The following MYH6 variants were observed in gnomAD, a reference collection of about 807,000 sequenced individuals.
MYH6 encodes myosin-6.
A neutral mutation model predicts 223.2 loss-of-function variants in MYH6; 126 were observed. The observed-to-expected ratio is 0.56, with a 90% CI of 0.49 to 0.65. The LOEUF (loss-of-function observed/expected upper bound fraction) is 0.65. Among genes scored for constraint, MYH6 ranks in the 30% least tolerant of loss-of-function variants. The probability of loss-of-function intolerance (pLI) is 0.00; values close to 1 mark genes in which losing one functional copy is unlikely to be tolerated. For synonymous variants in MYH6, 978 were observed against 1,010.2 expected, an observed-to-expected ratio of 0.97 and a Z score of 0.61; for missense variants, 2,040 against 2,536.4, an observed-to-expected ratio of 0.80 and a Z score of 4.20.
chr14:23,385,143 A>T (rs178639), intron 34 of MYH6, 102 bp from the exon 35 acceptor site: 646,286 of 1,428,184 alleles, frequency 0.45, 133,074 homozygotes, highest in African/African-American at 0.58. Flanking sequence ...TTTTTTTTTT[A>T]AAACAACAAG....
rs1206016022 is a variant in MYH6 at position 23,386,006 on chromosome 14, C to T, written c.5085G>A (p.Glu1695=). 15 of 1,614,098 alleles carry T rather than the reference C, an allele frequency of 9.3e-6. No homozygotes were observed. In the Admixed American group the frequency reaches 2.2e-4, roughly 23 times the overall value. ...AELEELRAVV[E]QTERSRKLAE... Reference sequence around the variant, plus strand: ...CCAGCTTCCGGGACCGCTCTGTCTGCTCCACCACGGCACGCAGCTCCTCCA... The same window carrying T: ...CCAGCTTCCGGGACCGCTCTGTCTGTTCCACCACGGCACGCAGCTCCTCCA... Residue 1695 remains glutamate (E), a synonymous_variant, in exon 34 of 39, where the codon GAG becomes GAA. Coordinates refer to ENST00000405093, the MANE Select transcript of MYH6 (RefSeq NM_002471.4).
Position 23,387,550 on chromosome 14 carries a change from C to G in MYH6, c.4629G>C (p.Gln1543His), listed in dbSNP as rs1177280918. The G allele has an allele frequency of 4.3e-6, 7 of 1,614,038 alleles. No individual in the cohort carries two copies. The highest frequency in any genetic ancestry group is 5.9e-6 in the Non-Finnish European group (7 of 1,180,026). ...TCACCTCTGCCTCCTCCAGGGCTGA[C>G]TGCAGCTCCAGCTTCTCCACCTCCA... ...KQLEVEKLELQSALEEAEASL... is the reference protein window; with the variant it reads ...KQLEVEKLELHSALEEAEASL... Residue 1543 changes from glutamine (Q) to histidine (H), a missense_variant, in exon 32 of 39, where the codon CAG becomes CAC. By Grantham distance (24) the Gln-to-His change is conservative. Transcript: ENST00000405093.
At chr14:23,408,201 T>C (rs781395612) in intron 1 of MYH6, 52 bp downstream of exon 1, 98 of 983,766 alleles carry the variant, frequency 1.0e-4, no homozygotes, top group Non-Finnish European at 1.1e-4. Flanking sequence ...TCCCTCACGG[T>C]GGGGGCTCTG....
At position 23,398,825 on chromosome 14, in the gene MYH6, GT is replaced by G. The variant is rs774500922; in HGVS notation, c.1793del (p.Asn598ThrfsTer63). On this transcript the variant is annotated frameshift_variant, in exon 15 of 39. Coordinates refer to ENST00000405093, the MANE Select transcript of MYH6 (RefSeq NM_002471.4). LOFTEE classifies it high-confidence loss of function. The part of the protein sequence containing the change: ...DYNILGWLEK[N>X]KDPLNETVVA... Reference sequence around the variant, plus strand: ...CAACAGTCTCGTTGAGAGGATCCTTGTTTTTTTCCAGCCAGCCCAGGATGTT... The same window carrying G: ...CAACAGTCTCGTTGAGAGGATCCTTGTTTTTTCCAGCCAGCCCAGGATGTT... The G allele has an allele frequency of 1.9e-6, 3 of 1,614,078 alleles. No homozygotes were observed. The highest frequency in any genetic ancestry group is 2.5e-6 in the Non-Finnish European group (3 of 1,180,044).
At chr14:23,392,873 C>T (rs1891277476) in intron 24 of MYH6, 39 bp downstream of exon 24, 1 of 1,611,152 alleles carries the variant, frequency 6.2e-7, no homozygotes, top group Non-Finnish European at 8.5e-7. Context: ...CCAGGCCAGA[C>T]ACCTCCATTA....
chr14:23,387,678 T>C (rs1342003633), intron 31 of MYH6, 25 bp from the exon 32 acceptor site: 4 of 1,613,926 alleles, frequency 2.5e-6, no homozygotes, highest in Admixed American at 3.3e-5. Flanking sequence ...GCCAGAAAGC[T>C]CAAAGCCTAT....
chr14:23,386,678 G>GGAGGAT, intron 32 of MYH6, 55 bp from the exon 33 acceptor site: 2 of 1,552,638 alleles, frequency 1.3e-6, no homozygotes, highest in African/African-American at 1.4e-5. Context: ...GGGTTGAGAG[G>GGAGGAT]GAGGATGAGA....
At chr14:23,395,191 T>C (rs1177909050) in intron 20 of MYH6, among the ~76,000 whole-genome samples, 1 of 152,226 alleles carries the variant, frequency 6.6e-6, no homozygotes, top group Non-Finnish European at 1.5e-5. Flanking sequence ...AAACAATGAA[T>C]GGCTGGTTTT....
In MYH6 at chr14:23,407,393, C is replaced by A. The variant is rs1339003130; in HGVS notation, c.-13-157G>T. ...CCCTCCCCTACTCAGGGCTCTGCTT[C>A]TCCTGCCCTCTGAGGTGATGCTGAA... On this transcript the variant is annotated intron_variant, in intron 2 of 38. Transcript: ENST00000405093. The surrounding 1 kb of genome is among the most constrained non-coding windows in gnomAD (Gnocchi z 5.6). Among the ~76,000 whole-genome samples, 3 of 152,336 alleles carry A rather than the reference C, an allele frequency of 2.0e-5. No homozygotes were observed. The highest frequency in any genetic ancestry group is 6.8e-3 in the Middle Eastern group (2 of 294).
At chr14:23,395,461 G>T (rs1026568195) in intron 20 of MYH6, among the ~76,000 whole-genome samples, 2 of 152,116 alleles carry the variant, frequency 1.3e-5, no homozygotes, top group Admixed American at 1.3e-4. Context: ...TCATGTCATG[G>T]TGTACATGTA....
rs368183862 is a variant in MYH6 at position 23,388,145 on chromosome 14, C to T, written c.4359+10G>A. Reference sequence around the variant, plus strand: ...CTGCATGCTGGCTGCGGCCCCCGCCCATGGTCCACCTTGTCAAAGTTTCTC... The same window carrying T: ...CTGCATGCTGGCTGCGGCCCCCGCCTATGGTCCACCTTGTCAAAGTTTCTC... On this transcript the variant is annotated intron_variant, in intron 30 of 38. Transcript: ENST00000405093. 634 of 1,612,186 alleles carry T rather than the reference C, an allele frequency of 3.9e-4. No homozygotes were observed. Among genetic ancestry groups the T allele is most frequent in the Non-Finnish European group, 5.2e-4 (615 of 1,180,050 alleles).
In MYH6 at chr14:23,386,524, C is replaced by T. The variant is rs1280321639; in HGVS notation, c.4750G>A (p.Glu1584Lys). ...IERKLAEKDE[E>K]MEQAKRNHQR... ...TGGTTGCGCTTGGCCTGTTCCATCT[C>T]CTCGTCCTTCTCTGCCAGCTTCCGC... Residue 1584 changes from glutamate (E) to lysine (K), a missense_variant, in exon 33 of 39, where the codon GAG becomes AAG. Coordinates refer to ENST00000405093, the MANE Select transcript of MYH6 (RefSeq NM_002471.4). 2.5e-6 allele frequency: 4 copies of T among 1,614,006 alleles called. No individual in the cohort carries two copies. Among genetic ancestry groups the T allele is most frequent in the Non-Finnish European group, 3.4e-6 (4 of 1,180,032 alleles).
rs192980418 is a variant in MYH6, at chr14:23,396,684, C to G, written c.2292+10G>C. 8.1e-6 allele frequency: 13 copies of G among 1,614,026 alleles called. No individual in the cohort carries two copies. The East Asian group carries it at 2.9e-4, about 36-fold the overall frequency. ...TGCCCTGCAACCACCCAGTGGGGCT[C>G]TAGACTCACCTTGGTGTGGCCAAAC... On this transcript the variant is annotated intron_variant, in intron 19 of 38. Coordinates refer to ENST00000405093, the MANE Select transcript of MYH6 (RefSeq NM_002471.4).
rs577327750 is a variant in MYH6 at position 23,399,331 on chromosome 14, C to T, written c.1582-294G>A. Among the ~76,000 whole-genome samples the T allele has an allele frequency of 2.6e-5, 4 of 152,264 alleles. No homozygotes were observed. In the East Asian group the frequency reaches 5.8e-4, roughly 22 times the overall value. On this transcript the variant is annotated intron_variant, in intron 14 of 38. Coordinates refer to ENST00000405093, the MANE Select transcript of MYH6 (RefSeq NM_002471.4). Reference sequence around the variant, plus strand: ...GCCCCTTCTCTCTGATGGCTCACTGCCCCAGGGGCAGGAGGGCAGGGACAG... The same window carrying T: ...GCCCCTTCTCTCTGATGGCTCACTGTCCCAGGGGCAGGAGGGCAGGGACAG...
At chr14:23,396,908 T>C in intron 18 of MYH6, 55 bp downstream of exon 18, 1 of 1,612,488 alleles carries the variant, frequency 6.2e-7, no homozygotes, top group African/African-American at 1.3e-5. Context: ...CCCATTCCCA[T>C]CAGGGCAGCC....
rs201328596 is a variant in MYH6 at position 23,384,743 on chromosome 14, G to A, written c.5290-26C>T. On this transcript the variant is annotated intron_variant, in intron 35 of 38. Transcript: ENST00000405093. The stretch of plus-strand genomic sequence containing the variant: ...CTGTGTGCAGGAGAGAGGTGGCAAG[G>A]AACATGGGCCAGGGGCCGGGGCCTT... The A allele has an allele frequency of 3.1e-6, 5 of 1,614,220 alleles. No individual in the cohort carries two copies. The East Asian group carries it at 8.9e-5, about 29-fold the overall frequency.
rs371031033 is a variant in MYH6 at position 23,405,048 on chromosome 14, G to T, written c.530+52C>A. 39 of 1,612,572 alleles carry T rather than the reference G, an allele frequency of 2.4e-5. No homozygotes were observed. The African/African-American group carries it at 4.8e-4, about 20-fold the overall frequency. ...CCTCCCAACTACACCCTAGGCATCA[G>T]CGTGTATGCCCCCAGCCCAGTCCCT... On this transcript the variant is annotated intron_variant, in intron 6 of 38. Coordinates refer to ENST00000405093, the MANE Select transcript of MYH6 (RefSeq NM_002471.4). This position sits in a 1 kb window ranked among gnomAD's most constrained non-coding sequence, Gnocchi z 4.7.
rs779388767 is a variant in MYH6 at position 23,404,335 on chromosome 14, G to A, written c.696C>T (p.Gly232=). The A allele has an allele frequency of 6.2e-7, 1 of 1,614,246 alleles. No homozygotes were observed. ...IQANPALEAF[G]NAKTVRNDNS... is the part of the protein sequence containing the mutation. ...TGTCGTTCCGGACAGTCTTGGCATT[G>A]CCGAAGGCCTCCAGAGCGGGGTTGG... Residue 232 remains glycine (G), a synonymous_variant, in exon 8 of 39, where the codon GGC becomes GGT. Coordinates refer to ENST00000405093, the MANE Select transcript of MYH6 (RefSeq NM_002471.4).
chr14:23,383,436 T>G, intron 36 of MYH6, 116 bp from the exon 37 acceptor site: 1 of 825,928 alleles, frequency 1.2e-6, no homozygotes, highest in Non-Finnish European at 2.0e-6. Flanking sequence ...CCTGCAATGA[T>G]CCAGGTCAAA....
Sources: allele counts gnomAD v4.1 joint callset (sites outside exome capture counted in the v4.1 genomes callset), GRCh38; gene constraint gnomAD v4.1.1; non-coding constraint Gnocchi (gnomAD v3.1); transcripts MANE v1.5; gene names NCBI Gene and HGNC (gene_info 2026-07-23, HGNC 2026-07-21).